GARRE1: variants seen among roughly 807,000 people sequenced by gnomAD.
GARRE1 encodes the protein granule associated Rac and RHOG effector protein 1.
GARRE1 carries 49 observed loss-of-function variants against 103.2 expected under a neutral mutation model. The ratio of observed to expected loss-of-function variants is 0.47; its 90% CI spans 0.38 to 0.60. The LOEUF is 0.60. Among genes scored for constraint, GARRE1 ranks in the 20% least tolerant of loss-of-function variants. GARRE1 has a pLI of 0.00. For missense variants in GARRE1, 1,199 were observed against 1,370.5 expected (o/e 0.87, Z 1.98); for synonymous variants, 505 against 532.8 (o/e 0.95, Z 0.72).
At chr19:34,347,115 G>A (rs1238245500) in intron 10 of GARRE1, among the ~76,000 whole-genome samples, 4 of 149,686 alleles carry the variant, frequency 2.7e-5, no homozygotes, top group Non-Finnish European at 5.9e-5. Context: ...TTGAGACAGA[G>A]TCTCACTCTT....
At position 34,341,961 on chromosome 19, in the gene GARRE1, C is replaced by T. The variant is rs757904234; in HGVS notation, c.2027C>T (p.Thr676Ile). Reference protein sequence around the residue: ...PLVTRHNSAATAMVTEQKAGA... With the variant: ...PLVTRHNSAAIAMVTEQKAGA... ...GTGACAAGGCATAATTCTGCTGCCA[C>T]AGCCATGGTGACTGAGCAGAAGGCA... The change falls in exon 10 of 14, where the codon ACA (threonine) becomes ATA (isoleucine). Residue 676 changes from threonine to isoleucine, a missense_variant. Coordinates refer to ENST00000299505, the MANE Select transcript of GARRE1 (RefSeq NM_014686.5). 27 of 1,614,088 alleles carry T rather than the reference C, an allele frequency of 1.7e-5. No homozygotes were observed. Among genetic ancestry groups the T allele is most frequent in the Non-Finnish European group, 2.2e-5 (26 of 1,180,050 alleles).
intron 2 of GARRE1, among the ~76,000 whole-genome samples, chr19:34,314,399 A>G (rs1268552658): frequency 6.6e-6 from 1 of 152,224 alleles, no homozygotes; most frequent in Non-Finnish European, 1.5e-5. Flanking sequence ...TAATCGTACA[A>G]TCAATGGTTA....
chr19:34,311,010 G>T (rs781195358), intron 2 of GARRE1, among the ~76,000 whole-genome samples: 1 of 148,956 alleles, frequency 6.7e-6, no homozygotes, highest in African/African-American at 2.5e-5. Context: ...CCGCCCCCCC[G>T]CAAGACAGGG....
At chr19:34,319,570 T>C (rs1010950841) in intron 2 of GARRE1, among the ~76,000 whole-genome samples, 5 of 152,130 alleles carry the variant, frequency 3.3e-5, no homozygotes, top group African/African-American at 4.8e-5. Flanking sequence ...TGGATGGCTG[T>C]GGTTCAGCAG....
intron 2 of GARRE1, among the ~76,000 whole-genome samples, chr19:34,311,933 T>C (rs2074038701): frequency 6.6e-6 from 1 of 152,158 alleles, no homozygotes; most frequent in African/African-American, 2.4e-5. Flanking sequence ...TTTAAGCCAC[T>C]GTATTGGTTT....
chr19:34,287,636 G>A (rs2073894953), intron 1 of GARRE1, among the ~76,000 whole-genome samples: 1 of 152,166 alleles, frequency 6.6e-6, no homozygotes, highest in Non-Finnish European at 1.5e-5. Context: ...ACTATAGACT[G>A]GGTAGCTTAT....
chr19:34,325,589 C>A (rs577018792), intron 3 of GARRE1, among the ~76,000 whole-genome samples: 2 of 152,366 alleles, frequency 1.3e-5, no homozygotes, highest in African/African-American at 4.8e-5. Context: ...TCTTCCACGT[C>A]CTTCATCGCT....
chr19:34,322,677 T>A (rs1483630166), intron 3 of GARRE1, among the ~76,000 whole-genome samples: 1 of 151,140 alleles, frequency 6.6e-6, no homozygotes, highest in Non-Finnish European at 1.5e-5. Flanking sequence ...ACCCTCTGCC[T>A]CCCGGGTTCA....
At chr19:34,331,374 A>T (rs892934134) in intron 7 of GARRE1, among the ~76,000 whole-genome samples, 1 of 152,068 alleles carries the variant, frequency 6.6e-6, no homozygotes, top group Non-Finnish European at 1.5e-5. Context: ...CTCTCTGATT[A>T]TCATGTAGGT....
At chr19:34,289,277 A>C (rs183486551) in intron 1 of GARRE1, among the ~76,000 whole-genome samples, 135 of 152,226 alleles carry the variant, frequency 8.9e-4, no homozygotes, top group Non-Finnish European at 2.5e-4. Context: ...TACCAAAAAT[A>C]CAAAAATTAG....
Position 34,300,929 on chromosome 19 carries a change from T to G in GARRE1, c.456T>G (p.Asn152Lys). The change falls in exon 2 of 14, where the codon AAT becomes AAG. Residue 152 changes from asparagine to lysine, a missense_variant. Transcript: ENST00000299505. ...MLMELSAGAA[N>K]FTDQKEFSLQ... ...TGGAACTTAGTGCTGGGGCTGCAAATTTTACGGATCAGAAGGAATTCAGTC... is the reference window on the plus strand; with the variant it reads ...TGGAACTTAGTGCTGGGGCTGCAAAGTTTACGGATCAGAAGGAATTCAGTC... The G allele has an allele frequency of 1.2e-5, 19 of 1,604,718 alleles. No homozygotes were observed. Among genetic ancestry groups the G allele is most frequent in the Non-Finnish European group, 1.5e-5 (18 of 1,179,858 alleles).
At chr19:34,349,271 G>T in intron 12 of GARRE1, 118 bp downstream of exon 12, 2 of 1,025,286 alleles carry the variant, frequency 2.0e-6, no homozygotes, top group East Asian at 2.5e-5. Context: ...GTGAGAGGAG[G>T]GGCTCTTCCA....
chr19:34,267,786 T>G (rs965266021), intron 1 of GARRE1, among the ~76,000 whole-genome samples: 6 of 151,726 alleles, frequency 4.0e-5, no homozygotes, highest in African/African-American at 7.2e-5. Context: ...TTTTGTTTTT[T>G]TTTTTTTGAT....
chr19:34,254,953 C>T (rs1272397483), intron 1 of GARRE1, among the ~76,000 whole-genome samples: 1 of 151,528 alleles, frequency 6.6e-6, no homozygotes, highest in African/African-American at 2.4e-5. Context: ...GACGCTCCCT[C>T]GGTTCGCCGG....
chr19:34,327,237 G>C (rs1208944963), intron 3 of GARRE1, among the ~76,000 whole-genome samples, 184 bp from the exon 4 acceptor site: 1 of 152,058 alleles, frequency 6.6e-6, no homozygotes, highest in Non-Finnish European at 1.5e-5. Flanking sequence ...TGGTTAATTA[G>C]GCTTTCAAAA....
chr19:34,262,072 C>T (rs1235155174), intron 1 of GARRE1, among the ~76,000 whole-genome samples: 2 of 152,036 alleles, frequency 1.3e-5, no homozygotes, highest in African/African-American at 4.8e-5. Flanking sequence ...CAACCTCTGC[C>T]TCCCTGGGTT....
chr19:34,335,484 C>T (rs2074156601), intron 8 of GARRE1, among the ~76,000 whole-genome samples: 1 of 152,124 alleles, frequency 6.6e-6, no homozygotes, highest in Non-Finnish European at 1.5e-5. Context: ...CCTATGTGGA[C>T]TAAAATGGTA....
At chr19:34,352,615 A>G (rs748676201) in intron 13 of GARRE1, 32 bp from the exon 14 acceptor site, 232 of 1,577,180 alleles carry the variant, frequency 1.5e-4, no homozygotes, top group Non-Finnish European at 1.8e-4. Flanking sequence ...CATTGCCCGA[A>G]ATGCCACTAA....
intron 3 of GARRE1, among the ~76,000 whole-genome samples, chr19:34,323,127 G>A (rs1371642820): frequency 6.9e-6 from 1 of 145,212 alleles, no homozygotes; most frequent in Non-Finnish European, 1.5e-5. Context: ...GCCCCCCGGG[G>A]TTCACGCCAT....
Sources: gnomAD v4.1 joint callset for allele counts (sites outside exome capture counted in the v4.1 genomes callset) on GRCh38, gnomAD v4.1.1 for gene constraint, MANE v1.5 for transcripts, NCBI Gene and HGNC (gene_info 2026-07-23, HGNC 2026-07-21) for gene names.